The following MAP7 variants were observed in gnomAD, a reference collection of about 807,000 sequenced individuals.
MAP7 encodes the protein ensconsin.
A neutral mutation model predicts 94.8 loss-of-function variants in MAP7; 52 were observed. That is an observed-to-expected ratio of 0.55 (90% CI 0.44 to 0.69). The LOEUF is 0.69. Among genes scored for constraint, MAP7 ranks in the 30% least tolerant of loss-of-function variants. The pLI is 0.00. For missense variants in MAP7, 940 were observed against 964.6 expected (o/e 0.97, Z 0.34); for synonymous variants, 350 against 357.0 (o/e 0.98, Z 0.22).
intron 1 of MAP7, among the ~76,000 whole-genome samples, chr6:136,435,443 T>C (rs943972897): frequency 5.9e-5 from 9 of 152,248 alleles, no homozygotes; most frequent in Non-Finnish European, 8.8e-5. Context: ...AGCTTTCTAA[T>C]CAAATGTGAA....
chr6:136,522,189 T>C (rs1826574980), intron 1 of MAP7, among the ~76,000 whole-genome samples: 1 of 152,188 alleles, frequency 6.6e-6, no homozygotes, highest in African/African-American at 2.4e-5. Flanking sequence ...AAGCCAGTCC[T>C]GAAGTCAGCA....
chr6:136,461,128 A>C (rs1805064551), intron 1 of MAP7, among the ~76,000 whole-genome samples: 1 of 152,228 alleles, frequency 6.6e-6, no homozygotes, highest in Non-Finnish European at 1.5e-5. Context: ...GGATATAATT[A>C]AGAAGTATTT....
At chr6:136,537,220 T>C (rs1335083399) in intron 1 of MAP7, among the ~76,000 whole-genome samples, 1 of 152,084 alleles carries the variant, frequency 6.6e-6, no homozygotes, top group South Asian at 2.1e-4. Context: ...AGTTTGTAAA[T>C]AAGTTGAAGA....
chr6:136,367,298 A>AT (rs145447221), intron 8 of MAP7, among the ~76,000 whole-genome samples: 3,164 of 152,338 alleles, frequency 0.021, 121 homozygotes, highest in African/African-American at 0.071. Flanking sequence ...AAACCTGACA[A>AT]TGCCCTCAGG....
At chr6:136,521,892 T>A (rs920807936) in intron 1 of MAP7, among the ~76,000 whole-genome samples, 3 of 152,200 alleles carry the variant, frequency 2.0e-5, no homozygotes, top group Non-Finnish European at 4.4e-5. Context: ...GCCACTCTCA[T>A]CCTCTCCCTT....
chr6:136,370,278 G>A (rs897365612), intron 8 of MAP7, among the ~76,000 whole-genome samples: 7 of 152,196 alleles, frequency 4.6e-5, no homozygotes, highest in Non-Finnish European at 8.8e-5. Flanking sequence ...GATTGTTGGC[G>A]AGAATGTGGA....
chr6:136,529,405 G>A (rs35909460), intron 1 of MAP7, among the ~76,000 whole-genome samples: 2,337 of 152,164 alleles, frequency 0.015, 29 homozygotes, highest in Non-Finnish European at 0.025. Flanking sequence ...AAGGTTATAA[G>A]CCACCGCGCC....
At chr6:136,543,009 T>G (rs1210511223) in intron 1 of MAP7, among the ~76,000 whole-genome samples, 1 of 152,214 alleles carries the variant, frequency 6.6e-6, no homozygotes, top group Non-Finnish European at 1.5e-5. Flanking sequence ...ATACACTGTT[T>G]GTAAGAATGT....
At chr6:136,400,102 T>A (rs1783633319) in intron 3 of MAP7, among the ~76,000 whole-genome samples, 1 of 144,858 alleles carries the variant, frequency 6.9e-6, no homozygotes, top group Non-Finnish European at 1.5e-5. Flanking sequence ...TACAAAAAAG[T>A]TTTTTTTTCT....
intron 3 of MAP7, among the ~76,000 whole-genome samples, chr6:136,408,556 TCAACCTACATC>T (rs1217338486): frequency 3.3e-5 from 5 of 152,216 alleles, no homozygotes; most frequent in Non-Finnish European, 7.3e-5. Flanking sequence ...AATGTTATTT[TCAACCTACATC>T]CAACAGTAAA....
chr6:136,432,710 C>T (rs146414480), intron 1 of MAP7, among the ~76,000 whole-genome samples: 1 of 151,996 alleles, frequency 6.6e-6, no homozygotes, highest in African/African-American at 2.4e-5. Flanking sequence ...ACAAATAAAC[C>T]TTTAATACTA....
chr6:136,393,205 A>G (rs1003602313), intron 3 of MAP7, among the ~76,000 whole-genome samples: 3 of 152,138 alleles, frequency 2.0e-5, no homozygotes, highest in African/African-American at 7.2e-5. Context: ...CATTCTAATT[A>G]GATCCCATCT....
intron 3 of MAP7, among the ~76,000 whole-genome samples, chr6:136,395,253 T>C (rs985446046): frequency 6.6e-6 from 1 of 151,782 alleles, no homozygotes; most frequent in Non-Finnish European, 1.5e-5. Context: ...TTTTTGATAA[T>C]AGCCATTCTA....
In MAP7 at chr6:136,360,048, A is replaced by T; in HGVS notation, c.1804-17T>A. 6.2e-7 allele frequency: 1 copy of T among 1,602,056 alleles called. No homozygotes were observed. Among genetic ancestry groups the T allele is most frequent in the South Asian group, 1.1e-5 (1 of 88,266 alleles). On this transcript the variant is annotated splice_polypyrimidine_tract_variant and intron_variant, in intron 13 of 17. Coordinates refer to ENST00000354570, the MANE Select transcript of MAP7 (RefSeq NM_003980.6). ...CTCAAGTCGCTATAGGAAAGGAAGA[A>T]TTGAGCAAGAAGATTAGACACAGAA...
intron 1 of MAP7, among the ~76,000 whole-genome samples, chr6:136,492,339 A>G (rs1344591344): frequency 1.3e-5 from 2 of 152,242 alleles, no homozygotes; most frequent in African/African-American, 2.4e-5. Context: ...GTATCTTTAC[A>G]GTGACTATTA....
Position 136,345,905 on chromosome 6 carries a change from T to C in MAP7, c.2190A>G (p.Thr730=), listed in dbSNP as rs769567227. The C allele has an allele frequency of 6.2e-7, 1 of 1,614,072 alleles. No individual in the cohort carries two copies. The highest frequency in any genetic ancestry group is 1.3e-5 in the African/African-American group (1 of 74,928). The change falls in exon 17 of 18, where the codon ACA becomes ACG. Residue 730 remains threonine (T), a synonymous_variant. Coordinates refer to ENST00000354570, the MANE Select transcript of MAP7 (RefSeq NM_003980.6). ...CATCTACCTGAGGCAGGGGCCCAAG[T>C]GTCCCTTCATCATCAAAGGCCAAAA... ...NPILAFDDEG[T]LGPLPQVDGV... is the part of the protein sequence containing the mutation.
At chr6:136,464,467 T>C (rs939999674) in intron 1 of MAP7, among the ~76,000 whole-genome samples, 2 of 152,238 alleles carry the variant, frequency 1.3e-5, no homozygotes, top group East Asian at 3.9e-4. Context: ...TCATTAGCTA[T>C]TGTTGTTAAT....
chr6:136,364,877 G>A (rs1487853286), intron 10 of MAP7: 1 of 152,442 alleles, frequency 6.6e-6, no homozygotes, highest in East Asian at 1.9e-4. Flanking sequence ...GAGCGGTCCT[G>A]AGCAGGGACC....
intron 1 of MAP7, among the ~76,000 whole-genome samples, chr6:136,456,822 G>GAAGGAAGAAGAAGAAGAAGAA (rs1554259490): frequency 1.3e-4 from 9 of 69,028 alleles, no homozygotes; most frequent in East Asian, 6.8e-4. Context: ...AGAAGAAGAA[G>GAAGGAAGAAGAAGAAGAAGAA]GAAGAAGAAG....
Sources: allele counts gnomAD v4.1 joint callset (sites outside exome capture counted in the v4.1 genomes callset), GRCh38; gene constraint gnomAD v4.1.1; transcripts MANE v1.5; gene names NCBI Gene and HGNC (gene_info 2026-07-23, HGNC 2026-07-21).